The following AGBL1 variants were observed in gnomAD, a reference collection of about 807,000 sequenced individuals.
The protein encoded by AGBL1 is AGBL carboxypeptidase 1, also known as cytosolic carboxypeptidase 4.
AGBL1 carries 130 observed loss-of-function variants against 118.9 expected under a neutral mutation model. The ratio of observed to expected loss-of-function variants is 1.09; its 90% CI spans 0.95 to 1.26. The LOEUF (loss-of-function observed/expected upper bound fraction) is 1.26. Ranked by LOEUF, AGBL1 falls within the 50% of genes most tolerant of loss-of-function variation. The pLI is 0.00. For synonymous variants in AGBL1, 555 were observed against 478.9 expected (o/e 1.16, Z -2.08); for missense variants, 1,584 against 1,298.1 (o/e 1.22, Z -3.38).
At chr15:86,779,920 A>AGC (rs776538245) in intron 22 of AGBL1, among the ~76,000 whole-genome samples, 1 of 106,788 alleles carries the variant, frequency 9.4e-6, no homozygotes, top group Non-Finnish European at 2.5e-5. Flanking sequence ...ACACCCCCCC[A>AGC]ACACACACAC....
At chr15:86,271,196 A>G (rs908791424) in intron 14 of AGBL1, among the ~76,000 whole-genome samples, 9 of 151,878 alleles carry the variant, frequency 5.9e-5, no homozygotes, top group African/African-American at 2.2e-4. Context: ...GACTACAGGC[A>G]TGTGCCACCA....
intron 21 of AGBL1, among the ~76,000 whole-genome samples, chr15:86,660,488 A>G (rs2085521793): frequency 1.3e-5 from 2 of 152,298 alleles, no homozygotes; most frequent in South Asian, 2.1e-4. Flanking sequence ...CGTTTGCTCA[A>G]AAACAGAGCA....
intron 17 of AGBL1, among the ~76,000 whole-genome samples, chr15:86,370,301 C>CTTTTTT (rs5814238): frequency 5.3e-5 from 7 of 131,032 alleles, no homozygotes; most frequent in Non-Finnish European, 6.4e-5. Context: ...GTCTCTATTC[C>CTTTTTT]TTTTTTTTTT....
At chr15:86,692,998 T>C (rs1170147168) in intron 22 of AGBL1, among the ~76,000 whole-genome samples, 2 of 152,164 alleles carry the variant, frequency 1.3e-5, no homozygotes, top group Non-Finnish European at 2.9e-5. Flanking sequence ...AATTTCTTCA[T>C]CCTCTTGTTG....
chr15:86,996,647 G>C (rs1001483070), intron 24 of AGBL1, among the ~76,000 whole-genome samples: 1 of 152,078 alleles, frequency 6.6e-6, no homozygotes, highest in African/African-American at 2.4e-5. Flanking sequence ...TGCTGGCTTT[G>C]ATTGATTCTA....
intron 24 of AGBL1, among the ~76,000 whole-genome samples, chr15:86,990,702 A>G (rs1038265493): frequency 1.3e-5 from 2 of 152,216 alleles, no homozygotes; most frequent in African/African-American, 4.8e-5. Flanking sequence ...GCTGAGGTAC[A>G]GAGAGGTAAA....
intron 18 of AGBL1, among the ~76,000 whole-genome samples, chr15:86,431,446 T>C (rs1474525916): frequency 1.2e-4 from 18 of 152,192 alleles, no homozygotes. Context: ...TGTTACCATA[T>C]ACATTTCCGA....
At chr15:86,814,465 A>C (rs1412968748) in intron 22 of AGBL1, among the ~76,000 whole-genome samples, 1 of 152,188 alleles carries the variant, frequency 6.6e-6, no homozygotes, top group Non-Finnish European at 1.5e-5. Flanking sequence ...GGTCACAATG[A>C]ACCTCGACTA....
intron 22 of AGBL1, among the ~76,000 whole-genome samples, chr15:86,677,091 T>C (rs1220810035): frequency 6.6e-6 from 1 of 152,114 alleles, no homozygotes; most frequent in Non-Finnish European, 1.5e-5. Flanking sequence ...CATTAACTCC[T>C]TGGGAGTGAT....
Position 86,661,912 on chromosome 15 carries a change from T to C in AGBL1, c.2995-12361T>C, listed in dbSNP as rs375918392. 1.4e-4 allele frequency among the ~76,000 whole-genome samples: 21 copies of C among 152,312 alleles called. 1 individual carries two copies. The South Asian group carries it at 4.3e-3, about 32-fold the overall frequency. ...TTTCTCTATTCTCTGCTCTAAGATC[T>C]AAAGTTTCTTTCTTCGTTCAACTTC... On this transcript the variant is annotated intron_variant, in intron 21 of 22. Transcript: ENST00000614907.
At chr15:86,249,693 G>A (rs972419058) in intron 7 of AGBL1, among the ~76,000 whole-genome samples, 14 of 152,226 alleles carry the variant, frequency 9.2e-5, no homozygotes, top group African/African-American at 2.9e-4. Flanking sequence ...GTGCTTTACC[G>A]TGTTCCTCTG....
At chr15:86,417,124 G>C (rs1021648306) in intron 18 of AGBL1, among the ~76,000 whole-genome samples, 1 of 152,182 alleles carries the variant, frequency 6.6e-6, no homozygotes, top group African/African-American at 2.4e-5. Context: ...AATAGCCTGT[G>C]CTCTAGCATG....
intron 18 of AGBL1, among the ~76,000 whole-genome samples, chr15:86,511,061 G>T (rs2083047308): frequency 1.3e-5 from 2 of 152,068 alleles, no homozygotes; most frequent in African/African-American, 4.8e-5. Flanking sequence ...CCGACACATA[G>T]TAGGTGTTCT....
intron 24 of AGBL1, among the ~76,000 whole-genome samples, chr15:87,012,314 A>T (rs2081569373): frequency 6.7e-6 from 1 of 150,042 alleles, no homozygotes; most frequent in Admixed American, 6.6e-5. Context: ...TAATTCCTTG[A>T]TTTTTCTCAT....
chr15:86,451,870 C>A (rs899593546), intron 18 of AGBL1, among the ~76,000 whole-genome samples: 1 of 152,080 alleles, frequency 6.6e-6, no homozygotes, highest in Non-Finnish European at 1.5e-5. Flanking sequence ...TATTTTAAAA[C>A]CTTCCATCAT....
intron 22 of AGBL1, among the ~76,000 whole-genome samples, chr15:86,727,462 A>G (rs1328149214): frequency 6.6e-6 from 1 of 152,168 alleles, no homozygotes; most frequent in African/African-American, 2.4e-5. Flanking sequence ...TATGGCCCTG[A>G]CACTGGACTA....
At position 86,968,887 on chromosome 15, in the gene AGBL1, C is replaced by A. The variant is rs972062570; in HGVS notation, c.3222-19100C>A. 2.0e-5 allele frequency among the ~76,000 whole-genome samples: 3 copies of A among 151,968 alleles called. No individual in the cohort carries two copies. The East Asian group carries it at 5.9e-4, about 30-fold the overall frequency. On this transcript the variant is annotated intron_variant, in intron 23 of 24. Transcript: ENST00000441037. ...TAGCTTTCTCACATCGTGGAAGAGGCAAGCAAGCTCCCACAGGCCTTCTTT... is the reference window on the plus strand; with the variant it reads ...TAGCTTTCTCACATCGTGGAAGAGGAAAGCAAGCTCCCACAGGCCTTCTTT...
At chr15:86,888,646 A>G (rs748918830) in intron 22 of AGBL1, among the ~76,000 whole-genome samples, 33 of 152,106 alleles carry the variant, frequency 2.2e-4, no homozygotes, top group Admixed American at 9.8e-4. Context: ...CATTGGGGAT[A>G]TACATTGACC....
At chr15:86,632,603 A>G (rs1378404545) in intron 21 of AGBL1, among the ~76,000 whole-genome samples, 2 of 150,664 alleles carry the variant, frequency 1.3e-5, no homozygotes, top group Non-Finnish European at 2.9e-5. Flanking sequence ...CAACCTTACT[A>G]CCATGACAAT....
Sources: allele counts gnomAD v4.1 joint callset (sites outside exome capture counted in the v4.1 genomes callset), GRCh38; gene constraint gnomAD v4.1.1; transcripts MANE v1.5; gene names NCBI Gene and HGNC (gene_info 2026-07-23, HGNC 2026-07-21).